Variants in LARP6 observed in about 807,000 individuals in gnomAD.
LARP6 encodes the protein La ribonucleoprotein 6, translational regulator.
Under a neutral mutation model 32.8 loss-of-function variants are expected in LARP6, and 18 were observed. The ratio of observed to expected loss-of-function variants is 0.55; its 90% CI spans 0.38 to 0.81. The LOEUF is 0.81. Among genes scored for constraint, LARP6 ranks in the 40% least tolerant of loss-of-function variants. The pLI is 0.00. For missense variants in LARP6, 598 were observed against 663.1 expected, an observed-to-expected ratio of 0.90 and a Z score of 1.08; for synonymous variants, 289 against 267.2, an observed-to-expected ratio of 1.08 and a Z score of -0.80.
chr15:70,853,930 G>A lies in LARP6; in HGVS notation c.159C>T (p.Gly53=). The A allele has an allele frequency of 2.1e-6, 3 of 1,418,406 alleles. No individual in the cohort carries two copies. Among genetic ancestry groups the A allele is most frequent in the Non-Finnish European group, 2.8e-6 (3 of 1,080,068 alleles). The allele number at this position is 1,418,406 out of a possible 1,614,324, so 87.9% of individuals were successfully genotyped here. A position where few individuals can be genotyped will look rare whatever the true frequency, so the allele number is the denominator to read the frequency against. Residue 53 remains glycine (G), a synonymous_variant, in exon 1 of 3, where the codon GGC becomes GGT. Coordinates refer to ENST00000299213, the MANE Select transcript of LARP6 (RefSeq NM_018357.4). ...AGDPARYLSP[G]WGSASEEEPS... Reference sequence around the variant, plus strand: ...GCTCCTCCTCGCTCGCGCTGCCCCAGCCGGGGCTGAGGTACCGGGCCGGGT... The same window carrying A: ...GCTCCTCCTCGCTCGCGCTGCCCCAACCGGGGCTGAGGTACCGGGCCGGGT...
intron 1 of LARP6, among the ~76,000 whole-genome samples, chr15:70,845,651 C>T (rs897525281): frequency 2.0e-5 from 3 of 152,276 alleles, no homozygotes; most frequent in Non-Finnish European, 2.9e-5. Flanking sequence ...ACACAGCCCA[C>T]ACTTAGGGTG....
intron 1 of LARP6, among the ~76,000 whole-genome samples, chr15:70,847,367 C>T (rs11635165): frequency 0.41 from 62,685 of 151,318 alleles, 15,932 homozygotes; most frequent in Admixed American, 0.64. Context: ...TGAATCAGTG[C>T]TGAATTTTTT....
At chr15:70,847,101 T>C (rs1052836090) in intron 1 of LARP6, among the ~76,000 whole-genome samples, 2 of 152,216 alleles carry the variant, frequency 1.3e-5, no homozygotes, top group Non-Finnish European at 2.9e-5. Flanking sequence ...GTATCACCAA[T>C]GTAAAGCAAA....
chr15:70,836,589 C>A, intron 1 of LARP6, 84 bp from the exon 2 acceptor site: 1 of 1,079,102 alleles, frequency 9.3e-7, no homozygotes, highest in Non-Finnish European at 1.4e-6. Flanking sequence ...TCCTGACCCC[C>A]AATACCTTGG....
Position 70,832,162 on chromosome 15 carries a change from G to A in LARP6, c.1366C>T (p.Arg456Trp), listed in dbSNP as rs146198869. The A allele has an allele frequency of 5.0e-5, 80 of 1,613,382 alleles. No individual in the cohort carries two copies. Among genetic ancestry groups the A allele is most frequent in the Middle Eastern group, 4.9e-4 (3 of 6,082 alleles). ...KSPGTSPLLS[R>W]KMQTADGLPV... ...AGCCCATCTGCAGTCTGCATCTTCC[G>A]GGAGAGCAGGGGACTCGTACCGGGG... The change falls in exon 3 of 3, where the codon CGG (arginine) becomes TGG (tryptophan). Residue 456 changes from arginine (R) to tryptophan (W), a missense_variant. Arg to Trp is a moderately radical substitution (Grantham distance 101). Transcript: ENST00000299213.
At chr15:70,835,282 A>G (rs2032126332) in intron 2 of LARP6, among the ~76,000 whole-genome samples, 1 of 152,176 alleles carries the variant, frequency 6.6e-6, no homozygotes, top group South Asian at 2.1e-4. Context: ...AGTTCCCAAT[A>G]ATACTGTGTT....
intron 1 of LARP6, among the ~76,000 whole-genome samples, chr15:70,841,764 G>A (rs376339324): frequency 7.8e-4 from 118 of 151,508 alleles, no homozygotes; most frequent in African/African-American, 2.8e-3. Context: ...CACCACAATT[G>A]TAAGCTTCCT....
At chr15:70,841,800 G>A (rs2032264149) in intron 1 of LARP6, among the ~76,000 whole-genome samples, 1 of 151,980 alleles carries the variant, frequency 6.6e-6, no homozygotes, top group Non-Finnish European at 1.5e-5. Flanking sequence ...GTGGATGCTA[G>A]TGCCATGCTT....
chr15:70,837,088 T>G (rs2032161636), intron 1 of LARP6, among the ~76,000 whole-genome samples: 1 of 152,058 alleles, frequency 6.6e-6, no homozygotes, highest in African/African-American at 2.4e-5. Flanking sequence ...ATAAAAATAA[T>G]AACTGGCCAG....
intron 1 of LARP6, among the ~76,000 whole-genome samples, chr15:70,839,930 G>T (rs1276328815): frequency 6.6e-6 from 1 of 152,216 alleles, no homozygotes; most frequent in Non-Finnish European, 1.5e-5. Context: ...GGCTTGGCCT[G>T]ATTTGTTGGC....
At position 70,833,085 on chromosome 15, in the gene LARP6, G is replaced by A. The variant is rs1356824199; in HGVS notation, c.443C>T (p.Thr148Ile). The change falls in exon 3 of 3, where the codon ACA becomes ATA. Residue 148 changes from threonine (T) to isoleucine (I), a missense_variant. Physicochemically the swap from Thr to Ile is moderately conservative, Grantham distance 89. Coordinates refer to ENST00000299213, the MANE Select transcript of LARP6 (RefSeq NM_018357.4). ...CACTGAATACTTCAAAGCATGTGCT[G>A]TGGTTCTCCAGTCCCGTGTAAGATG... ...VKHLTRDWRT[T>I]AHALKYSVVL... 1 of 1,614,124 alleles carries A rather than the reference G, an allele frequency of 6.2e-7. No homozygotes were observed. Among genetic ancestry groups the A allele is most frequent in the Non-Finnish European group, 8.5e-7 (1 of 1,180,004 alleles).
At chr15:70,838,067 C>T (rs187524647) in intron 1 of LARP6, among the ~76,000 whole-genome samples, 2 of 152,102 alleles carry the variant, frequency 1.3e-5, no homozygotes, top group Non-Finnish European at 2.9e-5. Flanking sequence ...AGTTTCTGAA[C>T]CATCAGAAAG....
At position 70,830,808 on chromosome 15, in the gene LARP6, T is replaced by C. The variant is rs1174475155; in HGVS notation, c.*1244A>G. On this transcript the variant is annotated 3_prime_UTR_variant, in exon 3 of 3. Coordinates refer to ENST00000299213, the MANE Select transcript of LARP6 (RefSeq NM_018357.4). The stretch of plus-strand genomic sequence containing the variant: ...AACACTGGAATCTAGGCCAATGCTC[T>C]TTCTGCTACACCAAGGCAGCTCCTG... The C allele has an allele frequency of 6.6e-6, 1 of 152,228 alleles. No homozygotes were observed. The highest frequency in any genetic ancestry group is 1.5e-5 in the Non-Finnish European group (1 of 68,046). 9.4% of individuals were successfully genotyped at this position (152,228 alleles called of 1,614,324 possible). A position where few individuals can be genotyped will look rare whatever the true frequency, so the allele number is the denominator to read the frequency against.
intron 1 of LARP6, among the ~76,000 whole-genome samples, chr15:70,845,261 GAC>G (rs1356897405): frequency 6.6e-6 from 1 of 152,056 alleles, no homozygotes; most frequent in African/African-American, 2.4e-5. Flanking sequence ...TCCCATCCAG[GAC>G]ACCACAATAC....
chr15:70,854,067 C>T lies in LARP6; in HGVS notation c.22G>A (p.Ala8Thr). 1.5e-6 allele frequency: 2 copies of T among 1,377,630 alleles called. No individual in the cohort carries two copies. The highest frequency in any genetic ancestry group is 1.7e-5 in the South Asian group (1 of 58,750). 85.3% of individuals were successfully genotyped at this position (1,377,630 alleles called of 1,614,324 possible). Residue 8 changes from alanine (A) to threonine (T), a missense_variant, in exon 1 of 3, where the codon GCT becomes ACT. Physicochemically the swap from Ala to Thr is moderately conservative, Grantham distance 58. Around this residue, in one of 3 missense-constraint regions of LARP6, gnomAD observed 161 missense variants for 148.6 expected, o/e 1.08. Coordinates refer to ENST00000299213, the MANE Select transcript of LARP6 (RefSeq NM_018357.4). ...ACCGCCGTCTTGGGCCCGGGCCGAG[C>T]CTCCCCGCCGGACTGGGCCATGGCT... MAQSGGE[A>T]RPGPKTAVQI...
intron 1 of LARP6, among the ~76,000 whole-genome samples, chr15:70,851,102 T>C (rs1374439876): frequency 6.6e-6 from 1 of 152,182 alleles, no homozygotes; most frequent in African/African-American, 2.4e-5. Flanking sequence ...AGGATTATAT[T>C]AGGGAATGAT....
At chr15:70,841,985 G>A (rs1348912850) in intron 1 of LARP6, among the ~76,000 whole-genome samples, 2 of 152,052 alleles carry the variant, frequency 1.3e-5, no homozygotes, top group African/African-American at 4.8e-5. Flanking sequence ...CTGGGCTTAT[G>A]TGACTTACTC....
chr15:70,844,939 C>T (rs1329511680), intron 1 of LARP6, among the ~76,000 whole-genome samples: 1 of 152,124 alleles, frequency 6.6e-6, no homozygotes. Flanking sequence ...TTCCATTTAA[C>T]TTTCATGCCA....
intron 1 of LARP6, among the ~76,000 whole-genome samples, chr15:70,846,621 A>AATAAATACATACATAC (rs144710337): frequency 1.3e-3 from 187 of 148,882 alleles, no homozygotes; most frequent in Middle Eastern, 0.01. Context: ...AAAATAAATA[A>AATAAATACATACATAC]ATACATACAT....
Sources: gnomAD v4.1 joint callset for allele counts (sites outside exome capture counted in the v4.1 genomes callset) on GRCh38, gnomAD v4.1.1 for gene constraint, gnomAD v4.1.1 regional missense constraint, MANE v1.5 for transcripts, NCBI Gene and HGNC (gene_info 2026-07-23, HGNC 2026-07-21) for gene names.